Variants in LSAMP observed in about 807,000 individuals in gnomAD.
LSAMP encodes the protein limbic system-associated membrane protein.
LSAMP carries 7 observed loss-of-function variants against 38.6 expected under a neutral mutation model. That is an observed-to-expected ratio of 0.18 (90% CI 0.10 to 0.34). LSAMP has a LOEUF of 0.34. Ranked by LOEUF, LSAMP falls within the 10% of genes least tolerant of loss-of-function variation. The probability of loss-of-function intolerance (pLI) is 1.00; values close to 1 mark genes in which losing one functional copy is unlikely to be tolerated. For missense variants in LSAMP, 313 were observed against 420.0 expected, an observed-to-expected ratio of 0.75 and a Z score of 2.23; for synonymous variants, 154 against 166.8, an observed-to-expected ratio of 0.92 and a Z score of 0.59.
chr3:116,203,222 T>G (rs950527755), intron 1 of LSAMP, among the ~76,000 whole-genome samples: 4 of 152,200 alleles, frequency 2.6e-5, no homozygotes, highest in African/African-American at 9.6e-5. Flanking sequence ...ATATTTAATT[T>G]CACCATTAGG....
chr3:116,257,517 T>C (rs1177736974), intron 1 of LSAMP, among the ~76,000 whole-genome samples: 2 of 152,130 alleles, frequency 1.3e-5, no homozygotes, highest in East Asian at 3.8e-4. Context: ...ATGAAACAAA[T>C]TTGGATTATA....
At chr3:115,861,297 C>A (rs1428908446) in intron 3 of LSAMP, among the ~76,000 whole-genome samples, 1 of 151,348 alleles carries the variant, frequency 6.6e-6, no homozygotes, top group Non-Finnish European at 1.5e-5. Context: ...CTTTATACAC[C>A]AACACTATTT....
intron 1 of LSAMP, among the ~76,000 whole-genome samples, chr3:116,233,057 T>A (rs1329394172): frequency 6.6e-6 from 1 of 152,168 alleles, no homozygotes; most frequent in Non-Finnish European, 1.5e-5. Context: ...TCTCGCTGCC[T>A]TTAATTATTC....
At chr3:116,040,370 G>A (rs1169018561) in intron 2 of LSAMP, among the ~76,000 whole-genome samples, 1 of 152,156 alleles carries the variant, frequency 6.6e-6, no homozygotes, top group Non-Finnish European at 1.5e-5. Flanking sequence ...GTTGTCCAAC[G>A]GTCTCAGATA....
At chr3:115,875,525 G>A (rs1263772895) in intron 3 of LSAMP, among the ~76,000 whole-genome samples, 1 of 152,028 alleles carries the variant, frequency 6.6e-6, no homozygotes, top group Non-Finnish European at 1.5e-5. Context: ...TCACATAGTA[G>A]ATACTCAATA....
intron 1 of LSAMP, among the ~76,000 whole-genome samples, chr3:116,175,307 T>A (rs2902657): frequency 0.5 from 75,906 of 151,964 alleles, 21,456 homozygotes; most frequent in East Asian, 0.74. Flanking sequence ...CATATTTATG[T>A]TACATATAAT....
chr3:116,166,513 G>A (rs17699134), intron 1 of LSAMP, among the ~76,000 whole-genome samples: 37,371 of 152,050 alleles, frequency 0.25, 4,663 homozygotes, highest in Admixed American at 0.29. Flanking sequence ...ATAAGCAACT[G>A]CAGGCATTCA....
At chr3:116,064,600 T>G (rs1350801649) in intron 2 of LSAMP, among the ~76,000 whole-genome samples, 1 of 152,162 alleles carries the variant, frequency 6.6e-6, no homozygotes, top group Non-Finnish European at 1.5e-5. Context: ...ACTAACATGT[T>G]TTTAAAGTAT....
chr3:116,256,449 C>A (rs2046752895), intron 1 of LSAMP, among the ~76,000 whole-genome samples: 1 of 152,158 alleles, frequency 6.6e-6, no homozygotes, highest in East Asian at 1.9e-4. Flanking sequence ...AAGTGTTTTT[C>A]ATCTTTAACT....
At chr3:115,826,725 A>T (rs1934424919) in intron 6 of LSAMP, among the ~76,000 whole-genome samples, 1 of 152,192 alleles carries the variant, frequency 6.6e-6, no homozygotes, top group East Asian at 1.9e-4. Context: ...TGTGCCAAAA[A>T]ATGAGTTTTT....
intron 3 of LSAMP, among the ~76,000 whole-genome samples, chr3:116,018,397 T>C (rs1940545529): frequency 1.3e-5 from 2 of 152,128 alleles, no homozygotes; most frequent in South Asian, 4.1e-4. Flanking sequence ...TAGAAATGTC[T>C]CAGTTTAGCT....
Position 116,313,815 on chromosome 3 carries a change from G to A in LSAMP, c.155+131062C>T, listed in dbSNP as rs140790475. ...CTAAAAATACAAAAATTAGCCAGGT[G>A]TGGTGGTGTGCACCTGTAATCCCAG... On this transcript the variant is annotated intron_variant, in intron 1 of 6. Transcript: ENST00000490035. Among the ~76,000 whole-genome samples, 309 of 152,250 alleles carry A rather than the reference G, an allele frequency of 2.0e-3. 1 individual carries two copies. Among genetic ancestry groups the A allele is most frequent in the African/African-American group, 7.1e-3 (297 of 41,546 alleles).
chr3:115,983,648 G>T (rs978747662), intron 3 of LSAMP, among the ~76,000 whole-genome samples: 13 of 152,112 alleles, frequency 8.5e-5, no homozygotes, highest in African/African-American at 2.7e-4. Context: ...TTACAGAAAG[G>T]TCTGCCTAAA....
intron 2 of LSAMP, among the ~76,000 whole-genome samples, chr3:116,021,206 C>T (rs1485310076): frequency 6.6e-6 from 1 of 152,152 alleles, no homozygotes; most frequent in Non-Finnish European, 1.5e-5. Flanking sequence ...AGTTCCTAAT[C>T]CTCCCTTTAG....
chr3:115,842,093 GA>G, intron 5 of LSAMP, 100 bp from the exon 6 acceptor site: 1 of 1,239,156 alleles, frequency 8.1e-7, no homozygotes, highest in East Asian at 2.3e-5. Context: ...GGAGAGAAAG[GA>G]AGTAGCTAGA....
intron 1 of LSAMP, among the ~76,000 whole-genome samples, chr3:116,380,811 G>A (rs1339614046): frequency 6.6e-6 from 1 of 151,912 alleles, no homozygotes; most frequent in Non-Finnish European, 1.5e-5. Flanking sequence ...TTTCTATTGG[G>A]TATAGCTTTG....
chr3:115,930,234 A>C (rs906102420), intron 3 of LSAMP, among the ~76,000 whole-genome samples: 16 of 152,100 alleles, frequency 1.1e-4, no homozygotes, highest in Non-Finnish European at 2.1e-4. Context: ...CAACAAAATT[A>C]CAGATTTATT....
rs1389581519 is a variant in LSAMP at position 115,803,133 on chromosome 3, T to A, written c.*7184A>T. The A allele has an allele frequency of 1.3e-5, 2 of 152,178 alleles. No homozygotes were observed. Among genetic ancestry groups the A allele is most frequent in the African/African-American group, 2.4e-5 (1 of 41,436 alleles). 9.4% of individuals were successfully genotyped at this position (152,178 alleles called of 1,614,324 possible). A position where few individuals can be genotyped will look rare whatever the true frequency, so the allele number is the denominator to read the frequency against. On this transcript the variant is annotated 3_prime_UTR_variant, in exon 7 of 7. Coordinates refer to ENST00000490035, the MANE Select transcript of LSAMP (RefSeq NM_002338.5). Reference sequence around the variant, plus strand: ...ATAGGGAGGATTGTGCAGAGTAGAATGTGGCTGTAGAAGTAGATCCAGGAG... The same window carrying A: ...ATAGGGAGGATTGTGCAGAGTAGAAAGTGGCTGTAGAAGTAGATCCAGGAG...
At chr3:116,123,129 A>G (rs1179282628) in intron 1 of LSAMP, among the ~76,000 whole-genome samples, 2 of 152,202 alleles carry the variant, frequency 1.3e-5, no homozygotes, top group Non-Finnish European at 2.9e-5. Context: ...ATAATAGGAA[A>G]CCAGCAGTAA....
Sources: allele counts gnomAD v4.1 joint callset (sites outside exome capture counted in the v4.1 genomes callset), GRCh38; gene constraint gnomAD v4.1.1; transcripts MANE v1.5; gene names NCBI Gene and HGNC (gene_info 2026-07-23, HGNC 2026-07-21).